Variants in ASDURF observed in about 807,000 individuals in gnomAD.
The protein encoded by ASDURF is ASNSD1 upstream open reading frame.
Under a neutral mutation model 3.3 loss-of-function variants are expected in ASDURF, and 3 were observed. That is an observed-to-expected ratio of 0.92 (90% confidence interval 0.42 to 2.37). The LOEUF is 2.37. Among genes scored for constraint, ASDURF ranks in the 30% most tolerant of loss-of-function variants. ASDURF has a pLI of 0.05. For synonymous variants in ASDURF, 11 were observed against 8.3 expected (o/e 1.32, Z -0.55); for missense variants, 23 against 25.4 (o/e 0.90, Z 0.21).
At chr2:189,663,095 C>T (rs1412276912) in intron 1 of ASDURF, among the ~76,000 whole-genome samples, 1 of 151,938 alleles carries the variant, frequency 6.6e-6, no homozygotes, top group African/African-American at 2.4e-5. Context: ...TGTTTGACTG[C>T]AGCACTTAGT....
chr2:189,664,094 A>G (rs1051824157), intron 2 of ASDURF, 140 bp downstream of exon 2: 19 of 328,314 alleles, frequency 5.8e-5, no homozygotes, highest in African/African-American at 3.6e-4. Flanking sequence ...TAAAATTGCA[A>G]GTGTCTAGAT....
chr2:189,662,917 CCAGCCTGGGTA>C (rs1457537220), intron 1 of ASDURF, among the ~76,000 whole-genome samples: 1 of 144,770 alleles, frequency 6.9e-6, no homozygotes, highest in Non-Finnish European at 1.5e-5. Context: ...CCACTGCACT[CCAGCCTGGGTA>C]ACAGAGCAAG....
Position 189,666,377 on chromosome 2 carries a change from G to T in ASDURF, c.*266G>T, listed in dbSNP as rs772012444. 4 of 1,613,894 alleles carry T rather than the reference G, an allele frequency of 2.5e-6. No homozygotes were observed. The highest frequency in any genetic ancestry group is 3.4e-6 in the Non-Finnish European group (4 of 1,179,914). ...CTATGGAATGGAGAAATTTTTAGTG[G>T]AATAAAGGTTGAAGCTGAAGAGAAT... On this transcript the variant is annotated 3_prime_UTR_variant, in exon 4 of 4. Coordinates refer to ENST00000607829, the MANE Select transcript of ASDURF (RefSeq NM_001353493.2).
chr2:189,661,657 G>T, intron 1 of ASDURF, 47 bp downstream of exon 1: 1 of 399,218 alleles, frequency 2.5e-6, no homozygotes. Context: ...GGGACCGGGC[G>T]CCACTGGACC....
chr2:189,664,793 T>C (rs1214624911), intron 2 of ASDURF, among the ~76,000 whole-genome samples: 1 of 149,334 alleles, frequency 6.7e-6, no homozygotes, highest in African/African-American at 2.4e-5. Flanking sequence ...AGACTTTCTC[T>C]AGAGGGCAAA....
chr2:189,661,459 G>A lies in ASDURF; in HGVS notation c.-62G>A, dbSNP rs1317091733. ...GCGCGGCTGGAAGCGCGCATGCGCT[G>A]TGGCTAATGCCGTAGGCTCCTTCAG... On this transcript the variant is annotated 5_prime_UTR_variant, in exon 1 of 4. It adds an upstream start codon to the 5' untranslated region. Transcript: ENST00000607829. 1.8e-5 allele frequency: 7 copies of A among 398,988 alleles called. No homozygotes were observed. The highest frequency in any genetic ancestry group is 2.5e-4 in the South Asian group (2 of 7,858). The allele number at this position is 398,988 out of a possible 1,614,324, so 24.7% of individuals were successfully genotyped here. A position where few individuals can be genotyped will look rare whatever the true frequency, so the allele number is the denominator to read the frequency against.
intron 1 of ASDURF, 47 bp downstream of exon 1, chr2:189,661,657 G>C (rs573820422): frequency 5.0e-6 from 2 of 399,218 alleles, no homozygotes; most frequent in African/African-American, 4.1e-5. Context: ...GGGACCGGGC[G>C]CCACTGGACC....
At chr2:189,665,507 G>A (rs546529453) in intron 3 of ASDURF, 56 bp downstream of exon 3, 2 of 387,864 alleles carry the variant, frequency 5.2e-6, no homozygotes, top group East Asian at 3.6e-5. Context: ...ACTCATCTGA[G>A]TGTTAAAATA....
chr2:189,665,626 A>ATGTATATATG (rs2032780754), intron 3 of ASDURF, among the ~76,000 whole-genome samples, 175 bp downstream of exon 3: 3 of 122,458 alleles, frequency 2.4e-5, no homozygotes, highest in African/African-American at 9.8e-5. Flanking sequence ...ATATATATAT[A>ATGTATATATG]TATATATATA....
At chr2:189,663,557 G>C (rs1170349487) in intron 1 of ASDURF, among the ~76,000 whole-genome samples, 1 of 152,164 alleles carries the variant, frequency 6.6e-6, no homozygotes, top group Non-Finnish European at 1.5e-5. Flanking sequence ...CCGGCCTGGT[G>C]TATATCATAT....
At position 189,661,589 on chromosome 2, in the gene ASDURF, C is replaced by CTT. The variant is rs2032665479; in HGVS notation, c.69_70insTT (p.Lys24LeufsTer5). ...TCCCCACCGACAATTCGACCCCACA[C>CTT]AAGGAGGATCTAAGCAGCAAGGTGA... is the stretch of plus-strand genomic sequence containing the variant. On this transcript the variant is annotated frameshift_variant, in exon 1 of 4. Coordinates refer to ENST00000607829, the MANE Select transcript of ASDURF (RefSeq NM_001353493.2). LOFTEE classifies it high-confidence loss of function. The CTT allele has an allele frequency of 2.5e-6, 1 of 399,208 alleles. No individual in the cohort carries two copies. Among genetic ancestry groups the CTT allele is most frequent in the Non-Finnish European group, 4.4e-6 (1 of 226,276 alleles). The allele number at this position is 399,208 out of a possible 1,614,324, so 24.7% of individuals were successfully genotyped here. A position where few individuals can be genotyped will look rare whatever the true frequency, so the allele number is the denominator to read the frequency against.
At position 189,665,997 on chromosome 2, in the gene ASDURF, G is replaced by T. The variant is rs2032792446; in HGVS notation, c.221-44G>T. On this transcript the variant is annotated intron_variant, in intron 3 of 3. Coordinates refer to ENST00000607829, the MANE Select transcript of ASDURF (RefSeq NM_001353493.2). Reference sequence around the variant, plus strand: ...TCTGAATTGCTAGGTAAAAGTCCAAGAATTTTTATGTTATTTAATATTTAT... The same window carrying T: ...TCTGAATTGCTAGGTAAAAGTCCAATAATTTTTATGTTATTTAATATTTAT... 3.8e-6 allele frequency: 4 copies of T among 1,042,524 alleles called. No homozygotes were observed. The South Asian group carries it at 8.6e-5, about 22-fold the overall frequency. 64.6% of individuals were successfully genotyped at this position (1,042,524 alleles called of 1,614,324 possible).
intron 3 of ASDURF, 87 bp downstream of exon 3, chr2:189,665,538 G>A (rs1217248687): frequency 5.9e-6 from 2 of 337,704 alleles, no homozygotes; most frequent in African/African-American, 4.6e-5. Flanking sequence ...GATTAATGCA[G>A]CAGTTTGATT....
At position 189,666,046 on chromosome 2, in the gene ASDURF, T is replaced by G. The variant is rs1280925681; in HGVS notation, c.226T>G (p.Leu76Val). The G allele has an allele frequency of 7.3e-7, 1 of 1,375,862 alleles. No homozygotes were observed. Among genetic ancestry groups the G allele is most frequent in the East Asian group, 2.4e-5 (1 of 42,516 alleles). The allele number at this position is 1,375,862 out of a possible 1,614,324, so 85.2% of individuals were successfully genotyped here. A position where few individuals can be genotyped will look rare whatever the true frequency, so the allele number is the denominator to read the frequency against. ...TEMLSESKNI[L>V]DELKKEYQEI... ...ATTCTCCTTCCCTGCAACAGATATA[T>G]TGGATGAACTGAAAAAAGAATACCA... Residue 76 changes from leucine (L) to valine (V), a missense_variant, in exon 4 of 4, where the codon TTG becomes GTG. Physicochemically the swap from Leu to Val is conservative, Grantham distance 32. Coordinates refer to ENST00000607829, the MANE Select transcript of ASDURF (RefSeq NM_001353493.2).
intron 1 of ASDURF, among the ~76,000 whole-genome samples, chr2:189,663,507 C>T (rs952638959): frequency 3.3e-5 from 5 of 152,182 alleles, no homozygotes; most frequent in Non-Finnish European, 7.4e-5. Flanking sequence ...CCCGCCTTGG[C>T]CTCCCGAAGT....
At position 189,661,575 on chromosome 2, in the gene ASDURF, A is replaced by G; in HGVS notation, c.55A>G (p.Asn19Asp). The G allele has an allele frequency of 2.5e-6, 1 of 399,250 alleles. No homozygotes were observed. Among genetic ancestry groups the G allele is most frequent in the Non-Finnish European group, 4.4e-6 (1 of 226,228 alleles). The allele number at this position is 399,250 out of a possible 1,614,324, so 24.7% of individuals were successfully genotyped here. Residue 19 changes from asparagine (N) to aspartate (D), a missense_variant, in exon 1 of 4, where the codon AAT becomes GAT. Asn to Asp is a conservative substitution (Grantham distance 23). Coordinates refer to ENST00000607829, the MANE Select transcript of ASDURF (RefSeq NM_001353493.2). ...EDSSVLIPTD[N>D]STPHKEDLSS... is the part of the protein sequence containing the mutation. The stretch of plus-strand genomic sequence containing the variant: ...CAGCTCTGTGCTGATCCCCACCGAC[A>G]ATTCGACCCCACACAAGGAGGATCT...
chr2:189,665,822 G>A (rs1412924253), intron 3 of ASDURF, among the ~76,000 whole-genome samples: 1 of 151,646 alleles, frequency 6.6e-6, no homozygotes, highest in Non-Finnish European at 1.5e-5. Flanking sequence ...TTAGCCAAGT[G>A]CTTGGGCCAA....
At chr2:189,664,904 A>T (rs893384676) in intron 2 of ASDURF, among the ~76,000 whole-genome samples, 3 of 152,232 alleles carry the variant, frequency 2.0e-5, no homozygotes, top group Non-Finnish European at 4.4e-5. Flanking sequence ...GTGCACAAAG[A>T]TTTAGTTACA....
chr2:189,665,598 G>GTATATATATA (rs869147580), intron 3 of ASDURF, 147 bp downstream of exon 3: 1 of 14,634 alleles, frequency 6.8e-5, no homozygotes, highest in Non-Finnish European at 2.2e-4. Context: ...ATATATATGT[G>GTATATATATA]TATATATATA....
Sources: gnomAD v4.1 joint callset for allele counts (sites outside exome capture counted in the v4.1 genomes callset) on GRCh38, gnomAD v4.1.1 for gene constraint, MANE v1.5 for transcripts, NCBI Gene and HGNC (gene_info 2026-07-23, HGNC 2026-07-21) for gene names.